PLA2G4C: variants seen among roughly 807,000 people sequenced by gnomAD.
PLA2G4C encodes the protein phospholipase A2 group IVC.
PLA2G4C carries 64 observed loss-of-function variants against 73.8 expected under a neutral mutation model. That is an observed-to-expected ratio of 0.87 (90% confidence interval 0.71 to 1.07). The LOEUF is 1.07. Ranked by LOEUF, PLA2G4C falls within the 50% of genes least tolerant of loss-of-function variation. The probability of loss-of-function intolerance (pLI) is 0.00; values close to 1 mark genes in which losing one functional copy is unlikely to be tolerated. For synonymous variants in PLA2G4C, 254 were observed against 252.1 expected (o/e 1.01, Z -0.07); for missense variants, 622 against 665.4 (o/e 0.93, Z 0.72).
chr19:48,105,899 C>T lies in PLA2G4C; in HGVS notation c.9-455G>A, dbSNP rs1221887066. On this transcript the variant is annotated intron_variant, in intron 2 of 16. Coordinates refer to ENST00000599921, the MANE Select transcript of PLA2G4C (RefSeq NM_003706.3). ...CTTCCCTCCTTCTTTCCCTCCCTCC[C>T]TCCCTCCCTCCCTCCCTCCCTCCCT... Among the ~76,000 whole-genome samples the T allele has an allele frequency of 3.6e-3, 7 of 1,930 alleles. No individual in the cohort carries two copies. In the African/African-American group the frequency reaches 0.043, roughly 12 times the overall value. The allele number at this position is 1,930 out of a possible 152,430, so 1.3% of individuals were successfully genotyped here.
intron 12 of PLA2G4C, 191 bp downstream of exon 12, chr19:48,074,576 T>A: frequency 1.7e-6 from 1 of 592,494 alleles, no homozygotes; most frequent in Non-Finnish European, 3.0e-6. Context: ...CCTACAATGG[T>A]TGAACTAATT....
chr19:48,088,135 T>C (rs1324637878), intron 9 of PLA2G4C, among the ~76,000 whole-genome samples: 1 of 152,122 alleles, frequency 6.6e-6, no homozygotes, highest in Admixed American at 6.6e-5. Context: ...AAAAATTGCA[T>C]GCCTTGTGGG....
Position 48,099,702 on chromosome 19 carries a change from G to A in PLA2G4C, c.416C>T (p.Ala139Val), listed in dbSNP as rs1420561713. Reference protein sequence around the residue: ...SENYSLTDFWAYMVISKQTRE... With the variant: ...SENYSLTDFWVYMVISKQTRE... The stretch of plus-strand genomic sequence containing the variant: ...GGTTTGCTTAGAGATAACCATGTAG[G>A]CCCAGAAGTCGGTCAGAGAGTAATT... The change falls in exon 5 of 17, where the codon GCC becomes GTC. Residue 139 changes from alanine to valine, a missense_variant. By Grantham distance (64) the Ala-to-Val change is moderately conservative. Coordinates refer to ENST00000599921, the MANE Select transcript of PLA2G4C (RefSeq NM_003706.3). The A allele has an allele frequency of 8.1e-6, 13 of 1,613,802 alleles. No individual in the cohort carries two copies. The highest frequency in any genetic ancestry group is 1.1e-5 in the Non-Finnish European group (13 of 1,179,940).
At chr19:48,052,619 G>T (rs1967768488) in intron 16 of PLA2G4C, among the ~76,000 whole-genome samples, 1 of 152,092 alleles carries the variant, frequency 6.6e-6, no homozygotes, top group South Asian at 2.1e-4. Context: ...TGTGAAAACG[G>T]ACCAATATAC....
chr19:48,088,553 G>A, intron 9 of PLA2G4C, 133 bp downstream of exon 9: 2 of 683,632 alleles, frequency 2.9e-6, no homozygotes, highest in Middle Eastern at 4.9e-4. Context: ...TGAAATCTTT[G>A]AAATACCAGA....
At chr19:48,105,570 T>C (rs894087891) in intron 2 of PLA2G4C, 126 bp from the exon 3 acceptor site, 2 of 672,438 alleles carry the variant, frequency 3.0e-6, no homozygotes, top group Non-Finnish European at 2.6e-6. Flanking sequence ...TGGTTTCCTT[T>C]TGGGGTGAGG....
In PLA2G4C at chr19:48,074,802, T is replaced by G; in HGVS notation, c.971A>C (p.Lys324Thr). 6.2e-7 allele frequency: 1 copy of G among 1,613,416 alleles called. No homozygotes were observed. The highest frequency in any genetic ancestry group is 1.1e-5 in the South Asian group (1 of 91,052). ...LENWTRTSLE[K>T]QEQPHEDPER... is the part of the protein sequence containing the mutation. ...GGGGTCCTCATGGGGCTGCTCCTGCTTTTCCAGGGAGGTCCTGGTCCAATT... is the reference window on the plus strand; with the variant it reads ...GGGGTCCTCATGGGGCTGCTCCTGCGTTTCCAGGGAGGTCCTGGTCCAATT... Residue 324 changes from lysine (K) to threonine (T), a missense_variant, in exon 12 of 17, where the codon AAG (lysine) becomes ACG (threonine). Lys to Thr is a moderately conservative substitution (Grantham distance 78). Coordinates refer to ENST00000599921, the MANE Select transcript of PLA2G4C (RefSeq NM_003706.3).
At chr19:48,062,903 T>C (rs879906244) in intron 13 of PLA2G4C, among the ~76,000 whole-genome samples, 58 of 152,016 alleles carry the variant, frequency 3.8e-4, no homozygotes, top group Non-Finnish European at 5.4e-4. Context: ...CCCAAGGCGG[T>C]TGGGGCACAG....
rs375044049 is a variant in PLA2G4C at position 48,053,004 on chromosome 19, C to T, written c.1573G>A (p.Val525Met). The T allele has an allele frequency of 2.9e-5, 47 of 1,607,874 alleles. No individual in the cohort carries two copies. Among genetic ancestry groups the T allele is most frequent in the African/African-American group, 2.0e-4 (15 of 74,820 alleles). The part of the protein sequence containing the change: ...KKKILRELMN[V>M]AGLYYPKDSA... ...CTATGGTCTCCCACCTACCCGGCCA[C>T]GTTCATCAACTCTCTAAGGATCTTC... Residue 525 changes from valine (V) to methionine (M), a missense_variant, in exon 16 of 17, where the codon GTG (valine) becomes ATG (methionine). Transcript: ENST00000599921.
At chr19:48,079,699 C>T (rs998013777) in intron 10 of PLA2G4C, among the ~76,000 whole-genome samples, 2 of 152,196 alleles carry the variant, frequency 1.3e-5, no homozygotes, top group Non-Finnish European at 2.9e-5. Context: ...TATATGGGAA[C>T]GATGGCTCAC....
chr19:48,097,442 C>T (rs1487447909), intron 6 of PLA2G4C, among the ~76,000 whole-genome samples: 8 of 150,868 alleles, frequency 5.3e-5, no homozygotes, highest in African/African-American at 1.2e-4. Flanking sequence ...TTAGTAGAGA[C>T]GGGGTTTCAC....
At chr19:48,066,673 G>T (rs1968434879) in intron 13 of PLA2G4C, among the ~76,000 whole-genome samples, 1 of 151,994 alleles carries the variant, frequency 6.6e-6, no homozygotes, top group South Asian at 2.1e-4. Context: ...TAACAAAAGA[G>T]TGGGGAAGGC....
chr19:48,107,983 A>T (rs1311619958), intron 1 of PLA2G4C, among the ~76,000 whole-genome samples: 1 of 151,750 alleles, frequency 6.6e-6, no homozygotes, highest in Non-Finnish European at 1.5e-5. Flanking sequence ...GATGACTCAC[A>T]CTCCTTACTC....
chr19:48,097,443 G>A (rs1215688346), intron 6 of PLA2G4C, among the ~76,000 whole-genome samples: 11 of 150,918 alleles, frequency 7.3e-5, no homozygotes, highest in Non-Finnish European at 1.3e-4. Flanking sequence ...TAGTAGAGAC[G>A]GGGTTTCACT....
At position 48,061,775 on chromosome 19, in the gene PLA2G4C, G is replaced by A. The variant is rs1367622800; in HGVS notation, c.1257+223C>T. 3 of 529,782 alleles carry A rather than the reference G, an allele frequency of 5.7e-6. No homozygotes were observed. The African/African-American group carries it at 5.9e-5, about 10-fold the overall frequency. 32.8% of individuals were successfully genotyped at this position (529,782 alleles called of 1,614,324 possible). ...GGGAGAGTCATCTGCCAGGAAGAGG[G>A]GCCCGGGAAGGTCTGGGATGGCTTT... On this transcript the variant is annotated intron_variant, in intron 14 of 16. Coordinates refer to ENST00000599921, the MANE Select transcript of PLA2G4C (RefSeq NM_003706.3).
intron 7 of PLA2G4C, among the ~76,000 whole-genome samples, chr19:48,093,795 A>T (rs2031432835): frequency 1.3e-5 from 2 of 152,130 alleles, no homozygotes; most frequent in Non-Finnish European, 1.5e-5. Context: ...ACCTGGTGGG[A>T]GGTAATCAGA....
At chr19:48,088,781 T>C (rs1352893168) in intron 8 of PLA2G4C, 69 bp from the exon 9 acceptor site, 1 of 1,131,300 alleles carries the variant, frequency 8.8e-7, no homozygotes, top group Non-Finnish European at 1.3e-6. Flanking sequence ...ATATAAAAAA[T>C]ACAGATGACC....
At chr19:48,109,587 A>C (rs1032977125) in intron 1 of PLA2G4C, among the ~76,000 whole-genome samples, 1 of 152,102 alleles carries the variant, frequency 6.6e-6, no homozygotes, top group Non-Finnish European at 1.5e-5. Context: ...TAGGCTCTTA[A>C]AGGGGTGACT....
intron 9 of PLA2G4C, 43 bp from the exon 10 acceptor site, chr19:48,085,155 A>G (rs542381472): frequency 2.1e-5 from 29 of 1,377,924 alleles, no homozygotes; most frequent in Non-Finnish European, 2.8e-5. Flanking sequence ...TCTCCATCAC[A>G]TGACTGTCAT....
Sources: gnomAD v4.1 joint callset for allele counts (sites outside exome capture counted in the v4.1 genomes callset) on GRCh38, gnomAD v4.1.1 for gene constraint, MANE v1.5 for transcripts, NCBI Gene and HGNC (gene_info 2026-07-23, HGNC 2026-07-21) for gene names.